The following TRAF2 variants were observed in gnomAD, a reference collection of about 807,000 sequenced individuals.
The protein encoded by TRAF2 is TNF receptor associated factor 2, also known as TNF receptor-associated factor 2.
A neutral mutation model predicts 55.6 loss-of-function variants in TRAF2; 6 were observed. The ratio of observed to expected loss-of-function variants is 0.11; its 90% CI spans 0.06 to 0.21. The LOEUF (loss-of-function observed/expected upper bound fraction) is 0.21, where lower values mean the gene tolerates loss of function less well. Among genes scored for constraint, TRAF2 ranks in the 10% least tolerant of loss-of-function variants. The pLI is 1.00. For missense variants in TRAF2, 561 were observed against 684.5 expected, an observed-to-expected ratio of 0.82 and a Z score of 2.01; for synonymous variants, 329 against 276.3, an observed-to-expected ratio of 1.19 and a Z score of -1.89.
chr9:136,885,734 C>A (rs1180571802), upstream of TRAF2, among the ~76,000 whole-genome samples: 1 of 151,954 alleles, frequency 6.6e-6, no homozygotes, highest in Admixed American at 6.6e-5. Flanking sequence ...CGCCACTGAA[C>A]TCCAGCCTGG....
chr9:136,909,784 C>T (rs1850056824), intron 5 of TRAF2, 136 bp from the exon 6 acceptor site: 3 of 812,200 alleles, frequency 3.7e-6, no homozygotes, highest in Non-Finnish European at 6.1e-6. Flanking sequence ...GGGAGGAGCA[C>T]TGTCCTTCGA....
At chr9:136,907,519 C>CT (rs962341280) in intron 4 of TRAF2, among the ~76,000 whole-genome samples, 8 of 152,358 alleles carry the variant, frequency 5.3e-5, no homozygotes, top group Admixed American at 2.6e-4. Context: ...GCCTGGTGGG[C>CT]TTGTGCCTCA....
chr9:136,882,208 C>T (rs1849383080), upstream of TRAF2, among the ~76,000 whole-genome samples: 3 of 152,170 alleles, frequency 2.0e-5, no homozygotes, highest in African/African-American at 7.2e-5. Flanking sequence ...GCCAACCACG[C>T]CCAAGGGAAG....
At chr9:136,889,176 C>CTTGT (rs751982952) in intron 1 of TRAF2, among the ~76,000 whole-genome samples, 1 of 148,974 alleles carries the variant, frequency 6.7e-6, no homozygotes. Flanking sequence ...TACGTTAAAA[C>CTTGT]TTGTTTGTTT....
intron 7 of TRAF2, 31 bp from the exon 8 acceptor site, chr9:136,920,203 A>C: frequency 1.9e-6 from 3 of 1,576,932 alleles, no homozygotes; most frequent in Non-Finnish European, 2.6e-6. Flanking sequence ...TGGTGGATGG[A>C]GCCAGCAGCC....
At chr9:136,918,207 A>AT (rs909153415) in intron 7 of TRAF2, among the ~76,000 whole-genome samples, 2 of 134,406 alleles carry the variant, frequency 1.5e-5, no homozygotes, top group East Asian at 2.1e-4. Flanking sequence ...TTTTACTGTA[A>AT]TTTTTTTAGA....
chr9:136,894,694 G>A (rs1849646105), intron 1 of TRAF2, among the ~76,000 whole-genome samples: 2 of 152,284 alleles, frequency 1.3e-5, no homozygotes, highest in South Asian at 4.1e-4. Flanking sequence ...AGTGAGGGGT[G>A]CCCTATTGTG....
At chr9:136,895,085 G>A (rs1393947012) in intron 1 of TRAF2, among the ~76,000 whole-genome samples, 1 of 152,162 alleles carries the variant, frequency 6.6e-6, no homozygotes, top group African/African-American at 2.4e-5. Context: ...CACAGCAACC[G>A]GGGCAGAGGT....
Position 136,925,944 on chromosome 9 carries a change from A to T in TRAF2, c.*43A>T, listed in dbSNP as rs1289148247. On this transcript the variant is annotated 3_prime_UTR_variant, in exon 11 of 11. Transcript: ENST00000247668. ...CTGGGGGTTGGGGGCAGCCAGGCAC[A>T]GCCGGCTCACGGAGGGGCCACCACG... is the stretch of plus-strand genomic sequence containing the variant. The T allele has an allele frequency of 6.2e-7, 1 of 1,608,496 alleles. No homozygotes were observed. The highest frequency in any genetic ancestry group is 1.1e-5 in the South Asian group (1 of 90,876).
intron 4 of TRAF2, among the ~76,000 whole-genome samples, chr9:136,903,774 C>G (rs1035139287): frequency 3.3e-5 from 5 of 152,070 alleles, no homozygotes; most frequent in African/African-American, 4.8e-5. Context: ...CTCCGCCTCC[C>G]GGGTTCACAC....
chr9:136,883,520 CCTT>C (rs1849397910), upstream of TRAF2, among the ~76,000 whole-genome samples: 1 of 152,014 alleles, frequency 6.6e-6, no homozygotes, highest in South Asian at 2.1e-4. Context: ...CAGGTGAACC[CCTT>C]CTTTTTTCTT....
chr9:136,883,217 A>G (rs1849394740), upstream of TRAF2, among the ~76,000 whole-genome samples: 1 of 152,052 alleles, frequency 6.6e-6, no homozygotes, highest in African/African-American at 2.4e-5. Context: ...ACAGAGCAGT[A>G]TAAATTAAAC....
intron 10 of TRAF2, among the ~76,000 whole-genome samples, chr9:136,924,648 A>G (rs923643250): frequency 2.6e-5 from 4 of 152,198 alleles, no homozygotes; most frequent in Non-Finnish European, 4.4e-5. Flanking sequence ...GTTGATGGGC[A>G]TCTGGACCAG....
chr9:136,917,864 G>A (rs557674916), intron 7 of TRAF2, among the ~76,000 whole-genome samples: 8 of 152,132 alleles, frequency 5.3e-5, no homozygotes, highest in African/African-American at 1.4e-4. Context: ...GGGAGGTTGC[G>A]TAGTGACCAC....
upstream of TRAF2, among the ~76,000 whole-genome samples, chr9:136,883,278 G>A (rs999540806): frequency 2.6e-5 from 4 of 152,104 alleles, no homozygotes; most frequent in South Asian, 4.1e-4. Context: ...GAGACTGGGC[G>A]GCACGGGGCA....
chr9:136,905,117 T>C (rs1849915669), intron 4 of TRAF2, among the ~76,000 whole-genome samples: 2 of 152,224 alleles, frequency 1.3e-5, no homozygotes, highest in African/African-American at 4.8e-5. Flanking sequence ...AGCATTAACC[T>C]TTCCTGAGTC....
At chr9:136,906,883 C>T (rs942400583) in intron 4 of TRAF2, among the ~76,000 whole-genome samples, 26 of 152,230 alleles carry the variant, frequency 1.7e-4, no homozygotes, top group African/African-American at 5.8e-4. Context: ...CCTGCCACCC[C>T]GTTCTTCCTC....
chr9:136,919,115 C>T (rs1328395527), intron 7 of TRAF2, among the ~76,000 whole-genome samples: 4 of 149,794 alleles, frequency 2.7e-5, no homozygotes, highest in African/African-American at 9.9e-5. Flanking sequence ...GCTGGAAGTG[C>T]AGTGGCACCA....
Position 136,921,123 on chromosome 9 carries a change from C to G in TRAF2, c.1046C>G (p.Thr349Ser). The change falls in exon 9 of 11, where the codon ACC (threonine) becomes AGC (serine). Residue 349 changes from threonine to serine, a missense_variant. By Grantham distance (58) the Thr-to-Ser change is moderately conservative. This residue lies in a region of TRAF2 where 426 missense variants were observed against 476.8 expected (regional missense o/e 0.89). Coordinates refer to ENST00000247668, the MANE Select transcript of TRAF2 (RefSeq NM_021138.4). ...AAGGTCTTGGAGATGGAGGCATCCA[C>G]CTACGATGGGGTCTTCATCTGGAAG... is the stretch of plus-strand genomic sequence containing the variant. ...EQKVLEMEAS[T>S]YDGVFIWKIS... The G allele has an allele frequency of 1.9e-6, 3 of 1,614,092 alleles. No homozygotes were observed. Among genetic ancestry groups the G allele is most frequent in the Non-Finnish European group, 2.5e-6 (3 of 1,180,016 alleles).
Sources: allele counts gnomAD v4.1 joint callset (sites outside exome capture counted in the v4.1 genomes callset), GRCh38; gene constraint gnomAD v4.1.1; regional missense constraint gnomAD v4.1.1; transcripts MANE v1.5; gene names NCBI Gene and HGNC (gene_info 2026-07-23, HGNC 2026-07-21).